CHRNA4: variants seen among roughly 807,000 people sequenced by gnomAD.
CHRNA4 encodes neuronal acetylcholine receptor subunit alpha-4.
Under a neutral mutation model 48.9 loss-of-function variants are expected in CHRNA4, and 28 were observed. The ratio of observed to expected loss-of-function variants is 0.57; its 90% CI spans 0.42 to 0.79. The LOEUF (loss-of-function observed/expected upper bound fraction) is 0.79, where lower values mean the gene tolerates loss of function less well. Ranked by LOEUF, CHRNA4 falls within the 30% of genes least tolerant of loss-of-function variation. The probability of loss-of-function intolerance (pLI) is 0.00; values close to 1 mark genes in which losing one functional copy is unlikely to be tolerated. For synonymous variants in CHRNA4, 425 were observed against 402.3 expected, an observed-to-expected ratio of 1.06 and a Z score of -0.68; for missense variants, 859 against 898.4, an observed-to-expected ratio of 0.96 and a Z score of 0.56.
At position 63,343,588 on chromosome 20, in the gene CHRNA4, G is replaced by A. The variant is rs1354038669; in HGVS notation, c.*3150C>T. On this transcript the variant is annotated 3_prime_UTR_variant, in exon 6 of 6. Coordinates refer to ENST00000370263, the MANE Select transcript of CHRNA4 (RefSeq NM_000744.7). The stretch of plus-strand genomic sequence containing the variant: ...CAACTCCGGAGGCCAGCCATTGAGA[G>A]ATTACCACGCTTCCTGAGAGGAGGG... 2.2e-6 allele frequency: 1 copy of A among 454,126 alleles called. No homozygotes were observed. The highest frequency in any genetic ancestry group is 6.9e-5 in the East Asian group (1 of 14,390). The allele number at this position is 454,126 out of a possible 1,614,324, so 28.1% of individuals were successfully genotyped here.
chr20:63,344,713 G>A lies in CHRNA4; in HGVS notation c.*2025C>T, dbSNP rs201605734. 98 of 453,958 alleles carry A rather than the reference G, an allele frequency of 2.2e-4. No homozygotes were observed. Among genetic ancestry groups the A allele is most frequent in the Non-Finnish European group, 4.3e-4 (97 of 226,792 alleles). The allele number at this position is 453,958 out of a possible 1,614,324, so 28.1% of individuals were successfully genotyped here. The stretch of plus-strand genomic sequence containing the variant: ...AATGTGGATCGGGCTTCTTACATCT[G>A]AAATCTGCGTCTCTATCCCTCCTCT... On this transcript the variant is annotated 3_prime_UTR_variant, in exon 6 of 6. Transcript: ENST00000370263. The surrounding 1 kb of genome is among the most constrained non-coding windows in gnomAD (Gnocchi z 4.5).
intron 2 of CHRNA4, chr20:63,356,638 C>T (rs1010114240): frequency 1.6e-6 from 1 of 606,866 alleles, no homozygotes; most frequent in East Asian, 2.8e-5. Context: ...CAAACATCTC[C>T]AGCAGGAAAC....
chr20:63,349,020 G>A (rs2123468197), intron 5 of CHRNA4, among the ~76,000 whole-genome samples: 1 of 152,236 alleles, frequency 6.6e-6, no homozygotes, highest in South Asian at 2.1e-4. Flanking sequence ...TAGGTGGGCT[G>A]GCCCCGGGCC....
intron 2 of CHRNA4, among the ~76,000 whole-genome samples, chr20:63,358,758 T>C (rs996030832): frequency 6.6e-6 from 1 of 152,206 alleles, no homozygotes; most frequent in Non-Finnish European, 1.5e-5. Flanking sequence ...TCACCCCATT[T>C]GGAGTGGCTG....
Position 63,343,812 on chromosome 20 carries a change from C to T in CHRNA4, c.*2926G>A, listed in dbSNP as rs2068441846. The T allele has an allele frequency of 2.2e-6, 1 of 454,148 alleles. No homozygotes were observed. The highest frequency in any genetic ancestry group is 4.4e-6 in the Non-Finnish European group (1 of 226,796). The allele number at this position is 454,148 out of a possible 1,614,324, so 28.1% of individuals were successfully genotyped here. On this transcript the variant is annotated 3_prime_UTR_variant, in exon 6 of 6. Coordinates refer to ENST00000370263, the MANE Select transcript of CHRNA4 (RefSeq NM_000744.7). ...GTGTCTCCCGCTGCCTGGTGCCTGG[C>T]ACAGGGCGGGGAAACGTTGGCTTAG... is the stretch of plus-strand genomic sequence containing the variant.
chr20:63,349,442 C>T, intron 5 of CHRNA4: 1 of 642,718 alleles, frequency 1.6e-6, no homozygotes, highest in East Asian at 2.7e-5. Context: ...CTGTGCCAGC[C>T]ACTCGGGGCC....
chr20:63,359,875 G>A, intron 1 of CHRNA4, 176 bp from the exon 2 acceptor site: 1 of 607,494 alleles, frequency 1.6e-6, no homozygotes, highest in Admixed American at 3.1e-5. Flanking sequence ...CGCTCTGTGT[G>A]TGTGTGTGTG....
intron 2 of CHRNA4, among the ~76,000 whole-genome samples, chr20:63,358,172 CTGGAGGT>C (rs1568818457): frequency 1.1e-4 from 17 of 152,342 alleles, no homozygotes; most frequent in Non-Finnish European, 2.4e-4. Flanking sequence ...GACACTGAGG[CTGGAGGT>C]CTGGGTGGCC....
In CHRNA4 at chr20:63,344,305, C is replaced by T. The variant is rs201603507; in HGVS notation, c.*2433G>A. 22 of 453,874 alleles carry T rather than the reference C, an allele frequency of 4.8e-5. No individual in the cohort carries two copies. The highest frequency in any genetic ancestry group is 1.7e-4 in the South Asian group (11 of 64,472). The allele number at this position is 453,874 out of a possible 1,614,324, so 28.1% of individuals were successfully genotyped here. On this transcript the variant is annotated 3_prime_UTR_variant, in exon 6 of 6. Coordinates refer to ENST00000370263, the MANE Select transcript of CHRNA4 (RefSeq NM_000744.7). The surrounding 1 kb of genome is among the most constrained non-coding windows in gnomAD (Gnocchi z 4.5). ...AGTCAGAGCCACAGATGGGGAGGGA[C>T]GCCGACAGGAAGGGCTGGAGGGACC...
At chr20:63,358,788 GA>G (rs1206830959) in intron 2 of CHRNA4, among the ~76,000 whole-genome samples, 1 of 152,216 alleles carries the variant, frequency 6.6e-6, no homozygotes, top group Non-Finnish European at 1.5e-5. Flanking sequence ...GGGAAACGTG[GA>G]AATGTCTCTG....
Position 63,361,173 on chromosome 20 carries a change from G to T in CHRNA4, c.-8C>A. 6.8e-7 allele frequency: 1 copy of T among 1,468,990 alleles called. No individual in the cohort carries two copies. The highest frequency in any genetic ancestry group is 9.0e-7 in the Non-Finnish European group (1 of 1,115,456). The allele number at this position is 1,468,990 out of a possible 1,614,324, so 91.0% of individuals were successfully genotyped here. ...GGGGCCCCCTAGCTCCATGGCGCACGCACCTCGCGGGCTCTAGATGCGGGC... is the reference window on the plus strand; with the variant it reads ...GGGGCCCCCTAGCTCCATGGCGCACTCACCTCGCGGGCTCTAGATGCGGGC... On this transcript the variant is annotated 5_prime_UTR_variant, in exon 1 of 6. Coordinates refer to ENST00000370263, the MANE Select transcript of CHRNA4 (RefSeq NM_000744.7).
chr20:63,349,284 G>A (rs1253310046), intron 5 of CHRNA4, among the ~76,000 whole-genome samples: 5 of 152,212 alleles, frequency 3.3e-5, no homozygotes, highest in South Asian at 2.1e-4. Context: ...GCAGTGCCTC[G>A]TTGCGTTCTG....
chr20:63,350,372 C>T lies in CHRNA4; in HGVS notation c.1039G>A (p.Val347Ile), dbSNP rs748550104. ...THTMPTWVRR[V>I]FLDIVPRLLL... ...AGGCGTGGCACGATGTCCAGGAAGA[C>T]CCTGCGTACCCAGGTGGGCATGGTG... Residue 347 changes from valine (V) to isoleucine (I), a missense_variant, in exon 5 of 6, where the codon GTC becomes ATC. Around this residue, in one of 3 missense-constraint regions of CHRNA4, gnomAD observed 478 missense variants for 455.4 expected, o/e 1.05. Coordinates refer to ENST00000370263, the MANE Select transcript of CHRNA4 (RefSeq NM_000744.7). The T allele has an allele frequency of 1.2e-6, 2 of 1,613,758 alleles. No individual in the cohort carries two copies. Among genetic ancestry groups the T allele is most frequent in the South Asian group, 2.2e-5 (2 of 91,084 alleles).
chr20:63,350,382 C>G lies in CHRNA4; in HGVS notation c.1029G>C (p.Trp343Cys), dbSNP rs1234808455. 2 of 1,613,692 alleles carry G rather than the reference C, an allele frequency of 1.2e-6. No individual in the cohort carries two copies. Among genetic ancestry groups the G allele is most frequent in the African/African-American group, 2.7e-5 (2 of 74,926 alleles). ...RSPRTHTMPT[W>C]VRRVFLDIVP... is the part of the protein sequence containing the mutation. ...CGATGTCCAGGAAGACCCTGCGTAC[C>G]CAGGTGGGCATGGTGTGCGTGCGTG... The change falls in exon 5 of 6, where the codon TGG (tryptophan) becomes TGC (cysteine). Residue 343 changes from tryptophan to cysteine, a missense_variant. Coordinates refer to ENST00000370263, the MANE Select transcript of CHRNA4 (RefSeq NM_000744.7).
At chr20:63,359,767 C>A in intron 1 of CHRNA4, 68 bp from the exon 2 acceptor site, 1 of 1,571,898 alleles carries the variant, frequency 6.4e-7, no homozygotes, top group South Asian at 1.1e-5. Context: ...TCCAGGAGCT[C>A]TCCAGGCTGC....
At position 63,345,897 on chromosome 20, in the gene CHRNA4, G is replaced by A. The variant is rs1378844045; in HGVS notation, c.*841C>T. ...GGAATCACAACACAGAAGTACCCCA[G>A]GGGCTGAAGCCACTAGGCCCCCGTG... is the stretch of plus-strand genomic sequence containing the variant. On this transcript the variant is annotated 3_prime_UTR_variant, in exon 6 of 6. Coordinates refer to ENST00000370263, the MANE Select transcript of CHRNA4 (RefSeq NM_000744.7). The surrounding 1 kb of genome is among the most constrained non-coding windows in gnomAD (Gnocchi z 5.4). The A allele has an allele frequency of 4.4e-6, 2 of 453,708 alleles. No homozygotes were observed. The highest frequency in any genetic ancestry group is 3.1e-5 in the South Asian group (2 of 64,434). 28.1% of individuals were successfully genotyped at this position (453,708 alleles called of 1,614,324 possible). A position where few individuals can be genotyped will look rare whatever the true frequency, so the allele number is the denominator to read the frequency against.
chr20:63,350,295 G>C lies in CHRNA4; in HGVS notation c.1116C>G (p.Ile372Met), dbSNP rs199889002. The C allele has an allele frequency of 6.2e-7, 1 of 1,612,824 alleles. No individual in the cohort carries two copies. Among genetic ancestry groups the C allele is most frequent in the Non-Finnish European group, 8.5e-7 (1 of 1,179,940 alleles). Residue 372 changes from isoleucine to methionine, a missense_variant, in exon 5 of 6, where the codon ATC becomes ATG. Transcript: ENST00000370263. ...SVVKDNCRRLIESMHKMASAP... is the reference protein window; with the variant it reads ...SVVKDNCRRLMESMHKMASAP... ...CACTGGCCATCTTATGCATGGACTC[G>C]ATGAGCCGCCGGCAATTGTCCTTGA...
chr20:63,355,805 T>C (rs897324943), intron 4 of CHRNA4, 170 bp downstream of exon 4: 3 of 1,002,136 alleles, frequency 3.0e-6, no homozygotes, highest in Admixed American at 2.2e-5. Flanking sequence ...AATTTCTCCA[T>C]TGCTCCTGCT....
Position 63,356,088 on chromosome 20 carries a change from G to T in CHRNA4, c.274-4C>A. The T allele has an allele frequency of 1.3e-6, 2 of 1,545,014 alleles. No individual in the cohort carries two copies. The highest frequency in any genetic ancestry group is 1.5e-5 in the African/African-American group (1 of 67,582). On this transcript the variant is annotated splice_polypyrimidine_tract_variant and splice_region_variant and intron_variant, in intron 3 of 5. Transcript: ENST00000370263. Reference sequence around the variant, plus strand: ...GCAGCTTGTAGTCGTGCCACTCCTGGATGAGGTGGGGCGGGGGGAGGCTGC... The same window carrying T: ...GCAGCTTGTAGTCGTGCCACTCCTGTATGAGGTGGGGCGGGGGGAGGCTGC...
Sources: gnomAD v4.1 joint callset for allele counts (sites outside exome capture counted in the v4.1 genomes callset) on GRCh38, gnomAD v4.1.1 for gene constraint, gnomAD v4.1.1 regional missense constraint, Gnocchi (gnomAD v3.1) non-coding constraint, MANE v1.5 for transcripts, NCBI Gene and HGNC (gene_info 2026-07-23, HGNC 2026-07-21) for gene names.